The following MPP4 variants were observed in gnomAD, a reference collection of about 807,000 sequenced individuals.
The protein encoded by MPP4 is MAGUK p55 subfamily member 4.
A neutral mutation model predicts 98.3 loss-of-function variants in MPP4; 91 were observed. The ratio of observed to expected loss-of-function variants is 0.93; its 90% CI spans 0.78 to 1.10. The LOEUF (loss-of-function observed/expected upper bound fraction) is 1.10. MPP4 is among the 50% of genes least tolerant of loss of function. The pLI is 0.00. For synonymous variants in MPP4, 261 were observed against 271.8 expected (o/e 0.96, Z 0.39); for missense variants, 744 against 792.9 (o/e 0.94, Z 0.74).
Position 201,697,447 on chromosome 2 carries a change from G to A in MPP4, c.-101+1140C>T, listed in dbSNP as rs1689222014. Among the ~76,000 whole-genome samples, 3 of 152,166 alleles carry A rather than the reference G, an allele frequency of 2.0e-5. No individual in the cohort carries two copies. In the South Asian group the frequency reaches 6.2e-4, roughly 32 times the overall value. On this transcript the variant is annotated intron_variant, in intron 1 of 21. Transcript: ENST00000409474. ...AGTGTCTGTCTCCCGCAGGTGTCAT[G>A]TCTGCAGAGGGCCTGGGGAGCAGAG...
intron 12 of MPP4, among the ~76,000 whole-genome samples, chr2:201,668,519 C>T (rs1387455738): frequency 2.0e-5 from 3 of 151,792 alleles, no homozygotes; most frequent in African/African-American, 4.8e-5. Context: ...CTCTCCCTCT[C>T]CCTCTAAGGA....
At chr2:201,674,011 G>A (rs991374542) in intron 11 of MPP4, among the ~76,000 whole-genome samples, 9 of 152,174 alleles carry the variant, frequency 5.9e-5, no homozygotes, top group African/African-American at 2.2e-4. Context: ...TCAAGCATTT[G>A]CCACCATGGA....
At chr2:201,668,511 C>G (rs2105926899) in intron 12 of MPP4, among the ~76,000 whole-genome samples, 1 of 151,862 alleles carries the variant, frequency 6.6e-6, no homozygotes, top group East Asian at 1.9e-4. Flanking sequence ...CTCTCTCCCT[C>G]TCCCTCTCCC....
rs1194071169 is a variant in MPP4 at position 201,656,343 on chromosome 2, A to G, written c.1155T>C (p.Leu385=). 2.6e-6 allele frequency: 4 copies of G among 1,554,036 alleles called. No individual in the cohort carries two copies. The highest frequency in any genetic ancestry group is 3.5e-6 in the Non-Finnish European group (4 of 1,148,324). ...FIAGFRRSMR[L]CRRKSHLSPL... Reference sequence around the variant, plus strand: ...GGCTGAGGTGAGACTTCCTGCGACAAAGGCGCATGCTGCGGCGGAAGCCAG... The same window carrying G: ...GGCTGAGGTGAGACTTCCTGCGACAGAGGCGCATGCTGCGGCGGAAGCCAG... The change falls in exon 17 of 22, where the codon CTT becomes CTC. Residue 385 remains leucine, a synonymous_variant. Transcript: ENST00000409474.
rs557357242 is a variant in MPP4 at position 201,682,222 on chromosome 2, T to C, written c.660+609A>G. Among the ~76,000 whole-genome samples the C allele has an allele frequency of 3.3e-5, 5 of 152,346 alleles. 1 individual carries two copies. Among genetic ancestry groups the C allele is most frequent in the Admixed American group, 3.3e-4 (5 of 15,300 alleles). On this transcript the variant is annotated intron_variant, in intron 8 of 21. Coordinates refer to ENST00000409474, the MANE Select transcript of MPP4 (RefSeq NM_033066.3). ...AGAAGCCATGCATATCTGTGATTTC[T>C]AGTACTTCAAGCTTCCTTTGCAGCA...
At chr2:201,684,559 G>A (rs1051283837) in intron 7 of MPP4, among the ~76,000 whole-genome samples, 27 of 152,206 alleles carry the variant, frequency 1.8e-4, no homozygotes, top group African/African-American at 6.3e-4. Context: ...ACTCAGTGAA[G>A]GAGAGGAGTA....
chr2:201,680,650 C>T (rs930401526), intron 10 of MPP4, 188 bp downstream of exon 10: 3 of 552,014 alleles, frequency 5.4e-6, no homozygotes, highest in Admixed American at 3.1e-5. Context: ...TGATTATTCT[C>T]GTCTCCTTGG....
At chr2:201,698,399 C>T (rs184063013) in intron 1 of MPP4, among the ~76,000 whole-genome samples, 188 bp downstream of exon 1, 1 of 152,290 alleles carries the variant, frequency 6.6e-6, no homozygotes, top group African/African-American at 2.4e-5. Flanking sequence ...GAAGAAATGG[C>T]TTCTCGAAGC....
rs182154979 is a variant in MPP4 at position 201,690,760 on chromosome 2, G to C, written c.202-481C>G. On this transcript the variant is annotated intron_variant, in intron 3 of 21. Coordinates refer to ENST00000409474, the MANE Select transcript of MPP4 (RefSeq NM_033066.3). ...AATAAGTGGTGGGCATGCCACAAAC[G>C]CTTCTCTGTACTCTGCTTTGTGCTT... Among the ~76,000 whole-genome samples the C allele has an allele frequency of 3.3e-5, 5 of 152,250 alleles. 1 individual carries two copies. The highest frequency in any genetic ancestry group is 3.3e-4 in the Admixed American group (5 of 15,298).
At chr2:201,678,567 C>G (rs959059572) in intron 10 of MPP4, among the ~76,000 whole-genome samples, 1 of 152,236 alleles carries the variant, frequency 6.6e-6, no homozygotes, top group South Asian at 2.1e-4. Flanking sequence ...AGCCCTGACT[C>G]GGAGGCTCTG....
chr2:201,677,543 C>G (rs1389781980), intron 10 of MPP4, among the ~76,000 whole-genome samples: 2 of 152,026 alleles, frequency 1.3e-5, no homozygotes, highest in Non-Finnish European at 2.9e-5. Flanking sequence ...CAAAACAAAA[C>G]CCCCCCAGCT....
At chr2:201,688,566 G>A (rs879674020) in intron 4 of MPP4, among the ~76,000 whole-genome samples, 1 of 152,144 alleles carries the variant, frequency 6.6e-6, no homozygotes, top group Non-Finnish European at 1.5e-5. Context: ...AAGGAATGGC[G>A]AGTGCAAAGG....
intron 11 of MPP4, among the ~76,000 whole-genome samples, chr2:201,674,370 G>A (rs1235814098): frequency 6.6e-6 from 1 of 152,214 alleles, no homozygotes; most frequent in East Asian, 1.9e-4. Flanking sequence ...GAATGTCAAC[G>A]GTAGGACTTC....
At chr2:201,672,092 T>C (rs1216262696) in intron 11 of MPP4, among the ~76,000 whole-genome samples, 1 of 152,042 alleles carries the variant, frequency 6.6e-6, no homozygotes, top group Non-Finnish European at 1.5e-5. Flanking sequence ...ATTAAGAAAC[T>C]CACTCAAAAC....
intron 3 of MPP4, among the ~76,000 whole-genome samples, chr2:201,691,970 T>G (rs1335204495): frequency 6.6e-6 from 1 of 152,242 alleles, no homozygotes; most frequent in Non-Finnish European, 1.5e-5. Context: ...AGCCAGCTGA[T>G]AAAGTGTTGC....
intron 13 of MPP4, chr2:201,665,048 A>C (rs1688132183): frequency 6.0e-6 from 1 of 165,714 alleles, no homozygotes; most frequent in Non-Finnish European, 1.5e-5. Flanking sequence ...GGAAGGAGAA[A>C]TACATACATC....
rs377539870 is a variant in MPP4 at position 201,647,668 on chromosome 2, A to T, written c.1719+23T>A. ...ACGCAGAAGCCACTGAAAGCAATAC[A>T]GTAGTTTTTGACTTGCTCTTACCTT... is the stretch of plus-strand genomic sequence containing the variant. On this transcript the variant is annotated intron_variant, in intron 21 of 21. Transcript: ENST00000409474. 55 of 1,610,876 alleles carry T rather than the reference A, an allele frequency of 3.4e-5. No individual in the cohort carries two copies. The African/African-American group carries it at 6.9e-4, about 20-fold the overall frequency.
chr2:201,649,232 C>T (rs1369161030), intron 20 of MPP4, among the ~76,000 whole-genome samples: 2 of 152,176 alleles, frequency 1.3e-5, no homozygotes. Flanking sequence ...ACAGATATGA[C>T]AACATAGAAA....
At position 201,654,832 on chromosome 2, in the gene MPP4, C is replaced by T. The variant is rs779509406; in HGVS notation, c.1381+5G>A. 1.4e-5 allele frequency: 23 copies of T among 1,593,390 alleles called. No individual in the cohort carries two copies. In the East Asian group the frequency reaches 5.2e-4, roughly 36 times the overall value. On this transcript the variant is annotated splice_donor_5th_base_variant and intron_variant, in intron 18 of 21. Coordinates refer to ENST00000409474, the MANE Select transcript of MPP4 (RefSeq NM_033066.3). Reference sequence around the variant, plus strand: ...AAACCATTATGAAAGCAGAACTAAACATACGTGGCACAGCACTTTGAAAAT... The same window carrying T: ...AAACCATTATGAAAGCAGAACTAAATATACGTGGCACAGCACTTTGAAAAT...
Sources: gnomAD v4.1 joint callset for allele counts (sites outside exome capture counted in the v4.1 genomes callset) on GRCh38, gnomAD v4.1.1 for gene constraint, MANE v1.5 for transcripts, NCBI Gene and HGNC (gene_info 2026-07-23, HGNC 2026-07-21) for gene names.